HCN4: variants seen among roughly 807,000 people sequenced by gnomAD.
HCN4 encodes potassium/sodium hyperpolarization-activated cyclic nucleotide-gated channel 4.
HCN4 carries 29 observed loss-of-function variants against 76.9 expected under a neutral mutation model. The ratio of observed to expected loss-of-function variants is 0.38; its 90% CI spans 0.28 to 0.51. The LOEUF (loss-of-function observed/expected upper bound fraction) is 0.51, where lower values mean the gene tolerates loss of function less well. Among genes scored for constraint, HCN4 ranks in the 20% least tolerant of loss-of-function variants. The pLI, the probability that HCN4 is intolerant of heterozygous loss-of-function variation, is 0.90. For missense variants in HCN4, 1,416 were observed against 1,715.2 expected (o/e 0.83, Z 3.08); for synonymous variants, 772 against 762.5 (o/e 1.01, Z -0.21).
Position 73,368,271 on chromosome 15 carries a change from G to T in HCN4, c.-1C>A. 6.7e-7 allele frequency: 1 copy of T among 1,486,678 alleles called. No individual in the cohort carries two copies. The highest frequency in any genetic ancestry group is 8.9e-7 in the Non-Finnish European group (1 of 1,122,706). 92.1% of individuals were successfully genotyped at this position (1,486,678 alleles called of 1,614,324 possible). A position where few individuals can be genotyped will look rare whatever the true frequency, so the allele number is the denominator to read the frequency against. ...GCATGGACGGCGGCAGCTTGTCCATGGCGCCAGGGGCCGGGGTCGGACCGG... is the reference window on the plus strand; with the variant it reads ...GCATGGACGGCGGCAGCTTGTCCATTGCGCCAGGGGCCGGGGTCGGACCGG... On this transcript the variant is annotated 5_prime_UTR_variant, in exon 1 of 8. Transcript: ENST00000261917. This position sits in a 1 kb window ranked among gnomAD's most constrained non-coding sequence, Gnocchi z 6.9.
At position 73,323,012 on chromosome 15, in the gene HCN4, G is replaced by T; in HGVS notation, c.3081C>A (p.Pro1027=). The T allele has an allele frequency of 6.8e-7, 1 of 1,470,912 alleles. No homozygotes were observed. The allele number at this position is 1,470,912 out of a possible 1,614,324, so 91.1% of individuals were successfully genotyped here. The change falls in exon 8 of 8, where the codon CCC becomes CCA. Residue 1027 remains proline (P), a synonymous_variant. Coordinates refer to ENST00000261917, the MANE Select transcript of HCN4 (RefSeq NM_005477.3). The stretch of plus-strand genomic sequence containing the variant: ...TTGGGGGGCCTGGGCTGTGGCCAGG[G>T]GGGCTGAGACCTCCTCGGGGAGTAA... ...VGFTPRGGLS[P]PGHSPGPPRT...
At chr15:73,348,333 C>G (rs1315128161) in intron 1 of HCN4, among the ~76,000 whole-genome samples, 2 of 152,250 alleles carry the variant, frequency 1.3e-5, no homozygotes, top group African/African-American at 4.8e-5. Flanking sequence ...CCCACGCTTG[C>G]CTTTGAGGAC....
At chr15:73,361,121 C>A (rs191695776) in intron 1 of HCN4, among the ~76,000 whole-genome samples, 67 of 152,362 alleles carry the variant, frequency 4.4e-4, no homozygotes, top group African/African-American at 1.6e-3. Flanking sequence ...ACCCACTATG[C>A]TGGCCAAACA....
intron 1 of HCN4, among the ~76,000 whole-genome samples, chr15:73,355,923 T>C (rs1045993580): frequency 6.6e-6 from 1 of 152,118 alleles, no homozygotes; most frequent in Non-Finnish European, 1.5e-5. Context: ...TAACAAGCAG[T>C]TGGAGAACCT....
At position 73,322,801 on chromosome 15, in the gene HCN4, C is replaced by G; in HGVS notation, c.3292G>C (p.Ala1098Pro). Residue 1098 changes from alanine to proline, a missense_variant, in exon 8 of 8, where the codon GCG becomes CCG. By Grantham distance (27) the Ala-to-Pro change is conservative. Coordinates refer to ENST00000261917, the MANE Select transcript of HCN4 (RefSeq NM_005477.3). ...ASQPALPQDG[A>P]QTLRRASPHS... ...GGGGAGGCTCTGCGGAGAGTCTGCG[C>G]CCCGTCCTGAGGCAGGGCTGGCTGA... The G allele has an allele frequency of 6.5e-7, 1 of 1,541,942 alleles. No individual in the cohort carries two copies. Among genetic ancestry groups the G allele is most frequent in the Non-Finnish European group, 8.7e-7 (1 of 1,144,076 alleles).
chr15:73,334,458 C>T (rs1401872119), intron 2 of HCN4, among the ~76,000 whole-genome samples: 3 of 152,126 alleles, frequency 2.0e-5, no homozygotes, highest in Admixed American at 1.3e-4. Flanking sequence ...GGGAAGATCC[C>T]ACTTTTGCCT....
At chr15:73,344,138 G>C (rs1269003932) in intron 1 of HCN4, among the ~76,000 whole-genome samples, 1 of 152,186 alleles carries the variant, frequency 6.6e-6, no homozygotes, top group African/African-American at 2.4e-5. Flanking sequence ...GAAGCAAGAG[G>C]CTGTTTTAGC....
chr15:73,367,221 G>C lies in HCN4; in HGVS notation c.785+265C>G, dbSNP rs2043132358. Among the ~76,000 whole-genome samples the C allele has an allele frequency of 6.6e-6, 1 of 152,132 alleles. No homozygotes were observed. On this transcript the variant is annotated intron_variant, in intron 1 of 7. Coordinates refer to ENST00000261917, the MANE Select transcript of HCN4 (RefSeq NM_005477.3). The surrounding 1 kb of genome is among the most constrained non-coding windows in gnomAD (Gnocchi z 7.5). Reference sequence around the variant, plus strand: ...AGAGCCCTATCCTGGCTGCCGGCAGGGGTAGGCCAGGCTCAGAACACCTTT... The same window carrying C: ...AGAGCCCTATCCTGGCTGCCGGCAGCGGTAGGCCAGGCTCAGAACACCTTT...
chr15:73,342,377 T>A (rs1346299909), intron 2 of HCN4: 1 of 152,260 alleles, frequency 6.6e-6, no homozygotes, highest in Non-Finnish European at 1.5e-5. Context: ...CTTGCCCGCG[T>A]GATTTCACTC....
At position 73,322,278 on chromosome 15, in the gene HCN4, T is replaced by G; in HGVS notation, c.*203A>C. 1 of 475,116 alleles carries G rather than the reference T, an allele frequency of 2.1e-6. No individual in the cohort carries two copies. The highest frequency in any genetic ancestry group is 3.9e-6 in the Non-Finnish European group (1 of 253,254). The allele number at this position is 475,116 out of a possible 1,614,324, so 29.4% of individuals were successfully genotyped here. A position where few individuals can be genotyped will look rare whatever the true frequency, so the allele number is the denominator to read the frequency against. ...CCCTCCCTCCCTCTAGTGCTGAGTA[T>G]TAAAATAGTCTATAAAAGCAAGTGA... On this transcript the variant is annotated 3_prime_UTR_variant, in exon 8 of 8. Coordinates refer to ENST00000261917, the MANE Select transcript of HCN4 (RefSeq NM_005477.3).
intron 1 of HCN4, among the ~76,000 whole-genome samples, chr15:73,357,467 G>T (rs1440376703): frequency 6.6e-6 from 1 of 152,102 alleles, no homozygotes; most frequent in Non-Finnish European, 1.5e-5. Context: ...GGTGTGCCCT[G>T]CAGTCTGCAT....
chr15:73,327,272 T>C (rs1044636514), intron 4 of HCN4, among the ~76,000 whole-genome samples: 61 of 151,890 alleles, frequency 4.0e-4, no homozygotes, highest in Admixed American at 2.4e-3. Flanking sequence ...CACGCCCAGC[T>C]AATTTTTTTT....
At chr15:73,366,857 C>CT (rs1239960867) in intron 1 of HCN4, among the ~76,000 whole-genome samples, 1 of 152,254 alleles carries the variant, frequency 6.6e-6, no homozygotes, top group African/African-American at 2.4e-5. Flanking sequence ...TCATTCAGCC[C>CT]TGCCGCTCTG....
chr15:73,368,132 T>G lies in HCN4; in HGVS notation c.139A>C (p.Ser47Arg). The G allele has an allele frequency of 6.6e-7, 1 of 1,514,704 alleles. No homozygotes were observed. The highest frequency in any genetic ancestry group is 8.8e-7 in the Non-Finnish European group (1 of 1,133,620). The allele number at this position is 1,514,704 out of a possible 1,614,324, so 93.8% of individuals were successfully genotyped here. A position where few individuals can be genotyped will look rare whatever the true frequency, so the allele number is the denominator to read the frequency against. ...GAGGGCAGTGGCCGCAGCCGGATGCTCCTGCGGCTGGGGTCTTGGCGGCCC... is the reference window on the plus strand; with the variant it reads ...GAGGGCAGTGGCCGCAGCCGGATGCGCCTGCGGCTGGGGTCTTGGCGGCCC... ...AGGRQDPSRR[S>R]IRLRPLPSPS... Residue 47 changes from serine (S) to arginine (R), a missense_variant, in exon 1 of 8, where the codon AGC (serine) becomes CGC (arginine). By Grantham distance (110) the Ser-to-Arg change is moderately radical (BLOSUM62 -1). Transcript: ENST00000261917. The surrounding 1 kb of genome is among the most constrained non-coding windows in gnomAD (Gnocchi z 6.9).
intron 2 of HCN4, among the ~76,000 whole-genome samples, chr15:73,337,633 A>G (rs564142247): frequency 8.5e-5 from 13 of 152,302 alleles, no homozygotes; most frequent in African/African-American, 2.9e-4. Flanking sequence ...TCGTGATCTC[A>G]GCAATGAACA....
chr15:73,323,435 G>C lies in HCN4; in HGVS notation c.2658C>G (p.Ala886=). Residue 886 remains alanine, a synonymous_variant, in exon 8 of 8, where the codon GCC becomes GCG. Transcript: ENST00000261917. ...GTGTGGGAGCCGAGGGGGAGCCACA[G>C]GCCCCGGGGGGTGGGGAGGAGCTGG... ...PSSSSSPPPG[A]CGSPSAPTPS... is the part of the protein sequence containing the mutation. 6.2e-7 allele frequency: 1 copy of C among 1,608,976 alleles called. No individual in the cohort carries two copies. Among genetic ancestry groups the C allele is most frequent in the Non-Finnish European group, 8.5e-7 (1 of 1,178,608 alleles).
chr15:73,327,742 C>A (rs1374867196), intron 4 of HCN4, among the ~76,000 whole-genome samples: 1 of 152,146 alleles, frequency 6.6e-6, no homozygotes, highest in Non-Finnish European at 1.5e-5. Context: ...TCTCTGCCAC[C>A]ACCCCTATGC....
In HCN4 at chr15:73,337,723, G is replaced by A. The variant is rs148167308; in HGVS notation, c.1210-5431C>T. Among the ~76,000 whole-genome samples, 14 of 152,312 alleles carry A rather than the reference G, an allele frequency of 9.2e-5. No individual in the cohort carries two copies. The East Asian group carries it at 2.7e-3, about 29-fold the overall frequency. ...GTGAAGGCAATGGTGACAGTGACGA[G>A]AATGGTGGTCAGCAGGGCTCCTGCT... On this transcript the variant is annotated intron_variant, in intron 2 of 7. Transcript: ENST00000261917.
intron 2 of HCN4, among the ~76,000 whole-genome samples, chr15:73,336,267 G>A (rs2042964904): frequency 6.6e-6 from 1 of 152,144 alleles, no homozygotes; most frequent in African/African-American, 2.4e-5. Context: ...TTCTTTAGTT[G>A]AGGAGGGTAT....
Sources: allele counts gnomAD v4.1 joint callset (sites outside exome capture counted in the v4.1 genomes callset), GRCh38; gene constraint gnomAD v4.1.1; non-coding constraint Gnocchi (gnomAD v3.1); transcripts MANE v1.5; gene names NCBI Gene and HGNC (gene_info 2026-07-23, HGNC 2026-07-21).